Variants in NUAK2 observed in about 807,000 individuals in gnomAD.
NUAK2 encodes the protein NUAK family kinase 2.
A neutral mutation model predicts 29.8 loss-of-function variants in NUAK2; 20 were observed. The ratio of observed to expected loss-of-function variants is 0.67; its 90% CI spans 0.47 to 0.98. The LOEUF is 0.98. NUAK2 is among the 50% of genes least tolerant of loss of function. The pLI is 0.00. For missense variants in NUAK2, 719 were observed against 834.5 expected (o/e 0.86, Z 1.71); for synonymous variants, 331 against 342.6 (o/e 0.97, Z 0.37).
rs752908975 is a variant in NUAK2, at chr1:205,308,280, T to C, written c.505-50A>G. The C allele has an allele frequency of 7.3e-7, 1 of 1,376,336 alleles. No individual in the cohort carries two copies. The highest frequency in any genetic ancestry group is 2.1e-5 in the Admixed American group (1 of 48,650). 85.3% of individuals were successfully genotyped at this position (1,376,336 alleles called of 1,614,324 possible). ...GGGAAGGTCACCAGGGAAGGGAAGATGATGAGGGGCCCAGTCTGGAGACTG... is the reference window on the plus strand; with the variant it reads ...GGGAAGGTCACCAGGGAAGGGAAGACGATGAGGGGCCCAGTCTGGAGACTG... On this transcript the variant is annotated intron_variant, in intron 3 of 6. Transcript: ENST00000367157. This position sits in a 1 kb window ranked among gnomAD's most constrained non-coding sequence, Gnocchi z 4.1.
chr1:205,308,557 T>C lies in NUAK2; in HGVS notation c.504+24A>G, dbSNP rs775016589. The C allele has an allele frequency of 4.4e-6, 7 of 1,605,292 alleles. No homozygotes were observed. The highest frequency in any genetic ancestry group is 2.7e-5 in the African/African-American group (2 of 74,706). Reference sequence around the variant, plus strand: ...CCCTGGGGACCACCCACTGAGAATATGGCTGGAGCAGGTAGGTGCTCACCT... The same window carrying C: ...CCCTGGGGACCACCCACTGAGAATACGGCTGGAGCAGGTAGGTGCTCACCT... On this transcript the variant is annotated intron_variant, in intron 3 of 6. Coordinates refer to ENST00000367157, the MANE Select transcript of NUAK2 (RefSeq NM_030952.3). The surrounding 1 kb of genome is among the most constrained non-coding windows in gnomAD (Gnocchi z 4.1).
chr1:205,310,948 C>A (rs552936498), intron 2 of NUAK2, among the ~76,000 whole-genome samples: 1 of 152,216 alleles, frequency 6.6e-6, no homozygotes, highest in Non-Finnish European at 1.5e-5. Flanking sequence ...AATATACAGA[C>A]AAAGGGCAGA....
At chr1:205,305,136 T>A in intron 6 of NUAK2, 63 bp downstream of exon 6, 1 of 1,573,146 alleles carries the variant, frequency 6.4e-7, no homozygotes, top group Non-Finnish European at 8.6e-7. Context: ...GTGTAGTTTC[T>A]GCCTTAGGAA....
chr1:205,316,291 C>T (rs11805405), intron 1 of NUAK2, among the ~76,000 whole-genome samples: 4,850 of 152,290 alleles, frequency 0.032, 118 homozygotes, highest in South Asian at 0.094. Context: ...GAGTGCCTAC[C>T]ATGTGCCTGG....
At chr1:205,312,477 A>G (rs1048433167) in intron 1 of NUAK2, among the ~76,000 whole-genome samples, 6 of 152,208 alleles carry the variant, frequency 3.9e-5, no homozygotes, top group African/African-American at 1.4e-4. Flanking sequence ...CTAGCCACAA[A>G]GTGGAAACAA....
At chr1:205,311,423 G>A (rs1662256330) in intron 2 of NUAK2, among the ~76,000 whole-genome samples, 2 of 152,146 alleles carry the variant, frequency 1.3e-5, no homozygotes, top group Admixed American at 1.3e-4. Flanking sequence ...CCTCCCATGA[G>A]TGGAGCATTC....
intron 1 of NUAK2, among the ~76,000 whole-genome samples, chr1:205,316,761 A>T (rs184181484): frequency 7.9e-5 from 12 of 152,158 alleles, no homozygotes; most frequent in Non-Finnish European, 1.3e-4. Context: ...GCAGCCCCAT[A>T]CTATGGCCAC....
chr1:205,317,583 T>C (rs1384303713), intron 1 of NUAK2, among the ~76,000 whole-genome samples: 2 of 152,142 alleles, frequency 1.3e-5, no homozygotes, highest in Non-Finnish European at 2.9e-5. Context: ...TGCCCCCTCC[T>C]TGCCATCCTC....
chr1:205,303,515 T>C lies in NUAK2; in HGVS notation c.1822A>G (p.Thr608Ala). The C allele has an allele frequency of 6.2e-7, 1 of 1,612,952 alleles. No homozygotes were observed. The highest frequency in any genetic ancestry group is 8.5e-7 in the Non-Finnish European group (1 of 1,179,614). ...GTCGCTGTCACCTCCTGGCAGTCTG[T>C]CAGGGAAAAGCAGCTGTCCCCCAAA... Reference protein sequence around the residue: ...DPLGDSCFSLTDCQEVTATYR... With the variant: ...DPLGDSCFSLADCQEVTATYR... The change falls in exon 7 of 7, where the codon ACA (threonine) becomes GCA (alanine). Residue 608 changes from threonine to alanine, a missense_variant. Thr to Ala is a moderately conservative substitution (Grantham distance 58). Coordinates refer to ENST00000367157, the MANE Select transcript of NUAK2 (RefSeq NM_030952.3).
rs1558670421 is a variant in NUAK2, at chr1:205,303,146, C to CT, written c.*303_*304insA. 2 of 221,410 alleles carry CT rather than the reference C, an allele frequency of 9.0e-6. No individual in the cohort carries two copies. The highest frequency in any genetic ancestry group is 4.6e-5 in the African/African-American group (2 of 43,770). 13.7% of individuals were successfully genotyped at this position (221,410 alleles called of 1,614,324 possible). On this transcript the variant is annotated 3_prime_UTR_variant, in exon 7 of 7. Transcript: ENST00000367157. ...GATGGGCCCTGGGAGAGTTCTCTTT[C>CT]CAGGTCTCTGTGGCCCCCCCATGTA...
In NUAK2 at chr1:205,312,048, A is replaced by C. The variant is rs190240241; in HGVS notation, c.232-223T>G. ...GCACATGGTCCATGCAGCAGGAAGG[A>C]ATATCGACAAGTCACCTCCTTATTC... is the stretch of plus-strand genomic sequence containing the variant. On this transcript the variant is annotated intron_variant, in intron 1 of 6. Coordinates refer to ENST00000367157, the MANE Select transcript of NUAK2 (RefSeq NM_030952.3). 1.5e-3 allele frequency among the ~76,000 whole-genome samples: 233 copies of C among 152,334 alleles called. 1 individual carries two copies. Among genetic ancestry groups the C allele is most frequent in the African/African-American group, 5.5e-3 (229 of 41,574 alleles).
At chr1:205,305,050 T>A (rs1446953681) in intron 6 of NUAK2, 149 bp downstream of exon 6, 3 of 927,784 alleles carry the variant, frequency 3.2e-6, no homozygotes, top group Non-Finnish European at 1.6e-6. Context: ...GGTCTCAACA[T>A]TGGACATACG....
In NUAK2 at chr1:205,308,432, C is replaced by T; in HGVS notation, c.504+149G>A. 1 of 908,524 alleles carries T rather than the reference C, an allele frequency of 1.1e-6. No individual in the cohort carries two copies. The highest frequency in any genetic ancestry group is 1.7e-6 in the Non-Finnish European group (1 of 586,012). The allele number at this position is 908,524 out of a possible 1,614,324, so 56.3% of individuals were successfully genotyped here. A position where few individuals can be genotyped will look rare whatever the true frequency, so the allele number is the denominator to read the frequency against. ...CGGAGAAGGGACTCAAAGTCAGAGA[C>T]ACTGACATTTCCCTGAGAGTCCAGA... On this transcript the variant is annotated intron_variant, in intron 3 of 6. Coordinates refer to ENST00000367157, the MANE Select transcript of NUAK2 (RefSeq NM_030952.3). The surrounding 1 kb of genome is among the most constrained non-coding windows in gnomAD (Gnocchi z 4.1).
intron 2 of NUAK2, among the ~76,000 whole-genome samples, chr1:205,311,029 T>A (rs111952417): frequency 3.3e-5 from 5 of 152,244 alleles, no homozygotes; most frequent in African/African-American, 1.2e-4. Context: ...ATGTAAAGTC[T>A]CGACGCAGAC....
At chr1:205,311,681 T>C in intron 2 of NUAK2, 24 bp downstream of exon 2, 1 of 1,613,728 alleles carries the variant, frequency 6.2e-7, no homozygotes, top group South Asian at 1.1e-5. Context: ...ACCCCCAAGT[T>C]CCAGCTTTAA....
rs533542889 is a variant in NUAK2 at position 205,308,836 on chromosome 1, C to T, written c.353-104G>A. ...ACCCCAGGCCCCAAACCAGACAGGA[C>T]CCCCCTCCAGGAATATCTGCTAATG... On this transcript the variant is annotated intron_variant, in intron 2 of 6. Transcript: ENST00000367157. This position sits in a 1 kb window ranked among gnomAD's most constrained non-coding sequence, Gnocchi z 4.1. 1.8e-5 allele frequency: 24 copies of T among 1,327,236 alleles called. No individual in the cohort carries two copies. The Admixed American group carries it at 3.8e-4, about 21-fold the overall frequency. 82.2% of individuals were successfully genotyped at this position (1,327,236 alleles called of 1,614,324 possible). A position where few individuals can be genotyped will look rare whatever the true frequency, so the allele number is the denominator to read the frequency against.
At chr1:205,313,364 G>A (rs945726395) in intron 1 of NUAK2, among the ~76,000 whole-genome samples, 1 of 152,190 alleles carries the variant, frequency 6.6e-6, no homozygotes, top group Non-Finnish European at 1.5e-5. Context: ...ATCTTAGCCC[G>A]GCAAGATGAA....
intron 2 of NUAK2, among the ~76,000 whole-genome samples, chr1:205,311,030 C>T (rs1271095686): frequency 2.0e-5 from 3 of 152,198 alleles, no homozygotes; most frequent in African/African-American, 4.8e-5. Flanking sequence ...TGTAAAGTCT[C>T]GACGCAGACA....
chr1:205,303,210 C>G lies in NUAK2; in HGVS notation c.*240G>C, dbSNP rs369138360. On this transcript the variant is annotated 3_prime_UTR_variant, in exon 7 of 7. Transcript: ENST00000367157. ...CAATGTGGACTCTGTCGCGGGCATT[C>G]CCGTTCCCCTCTCTTTAGTATCCTC... 82 of 375,910 alleles carry G rather than the reference C, an allele frequency of 2.2e-4. No homozygotes were observed. The highest frequency in any genetic ancestry group is 1.1e-3 in the African/African-American group (54 of 48,126). The allele number at this position is 375,910 out of a possible 1,614,324, so 23.3% of individuals were successfully genotyped here.
Sources: allele counts gnomAD v4.1 joint callset (sites outside exome capture counted in the v4.1 genomes callset), GRCh38; gene constraint gnomAD v4.1.1; non-coding constraint Gnocchi (gnomAD v3.1); transcripts MANE v1.5; gene names NCBI Gene and HGNC (gene_info 2026-07-23, HGNC 2026-07-21).